BLTP1: variants seen among roughly 807,000 people sequenced by gnomAD.
BLTP1 encodes fragile site-associated protein.
At chr4:122,276,096 T>A in the BLTP1 span, 1 of 1,246,064 alleles carries the variant, frequency 8.0e-7, no homozygotes, top group Non-Finnish European at 1.1e-6. Context: ...ATTTAAATTT[T>A]TTTCATGGCT....
the BLTP1 span, chr4:122,243,071 A>G: frequency 1.2e-6 from 2 of 1,611,876 alleles, no homozygotes; most frequent in Non-Finnish European, 1.7e-6. Context: ...ACTTCAAAGT[A>G]AGTAAAAATA....
chr4:122,301,964 C>T, the BLTP1 span: 3 of 153,130 alleles, frequency 2.0e-5, no homozygotes, highest in Admixed American at 6.6e-5. Context: ...TCAGTTACTT[C>T]GGAGGCTAAA....
At chr4:122,157,057 G>GGGA in the BLTP1 span, among the ~76,000 whole-genome samples, 7,562 of 152,166 alleles carry the variant, frequency 0.05, 264 homozygotes, top group Non-Finnish European at 0.074. Flanking sequence ...TCTTTTAGTA[G>GGGA]GGAGGAGGAG....
the BLTP1 span, chr4:122,249,177 A>G: frequency 1.6e-6 from 1 of 619,404 alleles, no homozygotes; most frequent in African/African-American, 2.0e-5. Flanking sequence ...TGATGAAAGT[A>G]TTTAAAACTA....
At chr4:122,296,459 G>A in the BLTP1 span, among the ~76,000 whole-genome samples, 33 of 152,288 alleles carry the variant, frequency 2.2e-4, no homozygotes, top group East Asian at 1.9e-4. Context: ...ACATGGATAG[G>A]AAGAGTCAAT....
the BLTP1 span, among the ~76,000 whole-genome samples, chr4:122,204,136 AG>A: frequency 6.6e-6 from 1 of 151,884 alleles, no homozygotes; most frequent in African/African-American, 2.4e-5. Flanking sequence ...ATTTGTCTCA[AG>A]TACATTGGCA....
chr4:122,246,584 A>G, the BLTP1 span: 5 of 1,362,450 alleles, frequency 3.7e-6, no homozygotes, highest in Admixed American at 2.1e-5. Context: ...AAATACATAG[A>G]TATGCCATTC....
At chr4:122,312,611 A>G in the BLTP1 span, 1 of 146,836 alleles carries the variant, frequency 6.8e-6, no homozygotes, top group African/African-American at 2.4e-5. Flanking sequence ...TATGTGAGAC[A>G]CAGGTACTAT....
chr4:122,237,384 A>C, the BLTP1 span: 8 of 983,872 alleles, frequency 8.1e-6, no homozygotes, highest in Non-Finnish European at 9.7e-6. Flanking sequence ...TTATTTGTTC[A>C]TTCATAAAAT....
the BLTP1 span, chr4:122,362,442 T>C: frequency 2.3e-6 from 1 of 432,278 alleles, no homozygotes; most frequent in Non-Finnish European, 4.1e-6. Flanking sequence ...ATGTAAATTT[T>C]GTGAAAAACT....
chr4:122,284,127 G>C, the BLTP1 span, among the ~76,000 whole-genome samples: 1 of 152,142 alleles, frequency 6.6e-6, no homozygotes, highest in East Asian at 1.9e-4. Context: ...TTTCTAAACT[G>C]TTGGTAGTCT....
the BLTP1 span, among the ~76,000 whole-genome samples, chr4:122,186,490 CT>C: frequency 6.6e-6 from 1 of 151,720 alleles, no homozygotes; most frequent in African/African-American, 2.4e-5. Flanking sequence ...AGTTTTTATC[CT>C]TTTGAATGTA....
the BLTP1 span, chr4:122,200,192 A>G: frequency 1.1e-6 from 1 of 947,534 alleles, no homozygotes; most frequent in Non-Finnish European, 1.3e-6. Flanking sequence ...AAAGTGGCAT[A>G]TTCAGTATTT....
chr4:122,326,038 A>G, the BLTP1 span: 1 of 277,160 alleles, frequency 3.6e-6, no homozygotes, highest in African/African-American at 2.2e-5. Flanking sequence ...ATTTTACATA[A>G]TGGTTTAAGA....
chr4:122,310,908 C>T, the BLTP1 span: 1 of 933,756 alleles, frequency 1.1e-6, no homozygotes, highest in Non-Finnish European at 1.3e-6. Flanking sequence ...GCCTATTATC[C>T]AAAAGACCAG....
At chr4:122,247,066 TG>T in the BLTP1 span, 10 of 1,422,062 alleles carry the variant, frequency 7.0e-6, no homozygotes, top group Admixed American at 4.6e-5. Flanking sequence ...TAGAGTGTTT[TG>T]TTTTTTTTAA....
At chr4:122,358,329 G>A in the BLTP1 span, among the ~76,000 whole-genome samples, 1 of 151,966 alleles carries the variant, frequency 6.6e-6, no homozygotes, top group South Asian at 2.1e-4. Flanking sequence ...CACAAACTAC[G>A]TGTATTTCTA....
chr4:122,259,908 T>C, the BLTP1 span: 2 of 940,882 alleles, frequency 2.1e-6, no homozygotes, highest in Non-Finnish European at 2.5e-6. Context: ...TAGACTCACA[T>C]TGATACCCAG....
chr4:122,354,849 T>C, the BLTP1 span, among the ~76,000 whole-genome samples: 2 of 151,904 alleles, frequency 1.3e-5, no homozygotes, highest in African/African-American at 4.8e-5. Context: ...GTATTTTTAG[T>C]AGAGACAGGG....
Sources: allele counts gnomAD v4.1 joint callset (sites outside exome capture counted in the v4.1 genomes callset), GRCh38; gene constraint gnomAD v4.1.1; transcripts MANE v1.5; gene names NCBI Gene and HGNC (gene_info 2026-07-23, HGNC 2026-07-21).